PCDHA12: variants seen among roughly 807,000 people sequenced by gnomAD.
PCDHA12 encodes the protein protocadherin alpha-12.
In PCDHA12, 44 loss-of-function variants were observed where a neutral mutation model predicts 60.0. The ratio of observed to expected loss-of-function variants is 0.73; its 90% CI spans 0.58 to 0.94. The LOEUF (loss-of-function observed/expected upper bound fraction) is 0.94. PCDHA12 is among the 40% of genes least tolerant of loss of function. The probability of loss-of-function intolerance (pLI) is 0.00; values close to 1 mark genes in which losing one functional copy is unlikely to be tolerated. For missense variants in PCDHA12, 1,276 were observed against 1,239.7 expected, an observed-to-expected ratio of 1.03 and a Z score of -0.44; for synonymous variants, 569 against 553.0, an observed-to-expected ratio of 1.03 and a Z score of -0.40.
Position 140,920,646 on chromosome 5 carries a change from C to T in PCDHA12, c.2367+42807C>T, listed in dbSNP as rs1210828369. Among the ~76,000 whole-genome samples, 4 of 152,014 alleles carry T rather than the reference C, an allele frequency of 2.6e-5. No individual in the cohort carries two copies. In the South Asian group the frequency reaches 8.3e-4, roughly 32 times the overall value. On this transcript the variant is annotated intron_variant, in intron 1 of 3. Coordinates refer to ENST00000398631, the MANE Select transcript of PCDHA12 (RefSeq NM_018903.4). ...GGATCACAAGGTCAAGAGATTGAGA[C>T]CATCCTTGCCAACATGGTGAAACCC...
chr5:140,928,308 C>A, intron 1 of PCDHA12: 1 of 1,614,126 alleles, frequency 6.2e-7, no homozygotes, highest in Non-Finnish European at 8.5e-7. Flanking sequence ...CCCAGGACCC[C>A]GACCTGGGGA....
At chr5:140,947,627 A>C (rs1375142600) in intron 1 of PCDHA12, among the ~76,000 whole-genome samples, 1 of 151,696 alleles carries the variant, frequency 6.6e-6, no homozygotes, top group Non-Finnish European at 1.5e-5. Context: ...ATATTGAGTC[A>C]TCAGATCGTA....
chr5:140,928,955 T>A, intron 1 of PCDHA12: 1 of 1,614,024 alleles, frequency 6.2e-7, no homozygotes, highest in Middle Eastern at 1.6e-4. Context: ...GTAATTGCCT[T>A]GGCTTGTATT....
intron 1 of PCDHA12, among the ~76,000 whole-genome samples, chr5:140,958,215 T>G (rs1554223379): frequency 6.6e-6 from 1 of 152,132 alleles, no homozygotes; most frequent in Non-Finnish European, 1.5e-5. Context: ...GAATTAGATT[T>G]TAAAGGACTT....
At chr5:140,900,049 A>T (rs2067710838) in intron 1 of PCDHA12, among the ~76,000 whole-genome samples, 1 of 152,044 alleles carries the variant, frequency 6.6e-6, no homozygotes, top group Non-Finnish European at 1.5e-5. Flanking sequence ...GGCTCAAGTG[A>T]TCCTTTAACC....
intron 1 of PCDHA12, chr5:140,927,529 C>A: frequency 6.2e-7 from 1 of 1,614,098 alleles, no homozygotes; most frequent in South Asian, 1.1e-5. Flanking sequence ...GCTACCTGCC[C>A]GCTCAGGAGA....
chr5:140,927,226 A>G, intron 1 of PCDHA12: 4 of 1,613,996 alleles, frequency 2.5e-6, no homozygotes, highest in Non-Finnish European at 3.4e-6. Context: ...CAAGATTCGG[A>G]TTCACGTCCT....
At chr5:140,943,726 A>G (rs181662166) in intron 1 of PCDHA12, among the ~76,000 whole-genome samples, 8 of 152,372 alleles carry the variant, frequency 5.3e-5, no homozygotes, top group Middle Eastern at 3.4e-3. Flanking sequence ...GTCTGAGAGA[A>G]TGAAAGTCCA....
At chr5:140,984,859 A>G (rs1368341114) in intron 3 of PCDHA12, among the ~76,000 whole-genome samples, 1 of 152,046 alleles carries the variant, frequency 6.6e-6, no homozygotes, top group Non-Finnish European at 1.5e-5. Flanking sequence ...TAATAATAAC[A>G]CCTATTTTAT....
intron 1 of PCDHA12, among the ~76,000 whole-genome samples, chr5:140,951,121 C>A (rs1223231581): frequency 6.9e-6 from 1 of 145,374 alleles, no homozygotes; most frequent in African/African-American, 2.6e-5. Context: ...TCATTCCTTA[C>A]CAATAAGTTT....
At chr5:140,999,592 C>T (rs1443096475) in intron 3 of PCDHA12, among the ~76,000 whole-genome samples, 2 of 152,114 alleles carry the variant, frequency 1.3e-5, no homozygotes, top group Non-Finnish European at 2.9e-5. Flanking sequence ...ATTGCCTTCC[C>T]TACATCCTGG....
chr5:141,010,378 A>C lies in PCDHA12; in HGVS notation c.*441A>C. ...GCTACCGCGGGTATGCGAGTGCCAG[A>C]TATTGGCTGAGACGAGCCAGCTTAG... is the stretch of plus-strand genomic sequence containing the variant. On this transcript the variant is annotated 3_prime_UTR_variant, in exon 4 of 4. Coordinates refer to ENST00000398631, the MANE Select transcript of PCDHA12 (RefSeq NM_018903.4). 6.9e-7 allele frequency: 1 copy of C among 1,450,180 alleles called. No individual in the cohort carries two copies. Among genetic ancestry groups the C allele is most frequent in the Non-Finnish European group, 9.2e-7 (1 of 1,092,666 alleles). 89.8% of individuals were successfully genotyped at this position (1,450,180 alleles called of 1,614,324 possible).
intron 1 of PCDHA12, among the ~76,000 whole-genome samples, chr5:140,939,059 T>C (rs2092309221): frequency 6.6e-6 from 1 of 152,234 alleles, no homozygotes; most frequent in Non-Finnish European, 1.5e-5. Flanking sequence ...TTTGGGCTGC[T>C]ATATCAAAAT....
rs182160950 is a variant in PCDHA12, at chr5:140,875,771, C to A, written c.299C>A (p.Ala100Glu). ...CGCGAGAAGCTGTGCGGGCGGAGCG[C>A]GGAGTGCAGTATCCACCTGGAGGTG... ...IDREKLCGRS[A>E]ECSIHLEVIV... The change falls in exon 1 of 4, where the codon GCG becomes GAG. Residue 100 changes from alanine (A) to glutamate (E), a missense_variant. Transcript: ENST00000398631. 1.9e-6 allele frequency: 3 copies of A among 1,614,080 alleles called. No individual in the cohort carries two copies. Among genetic ancestry groups the A allele is most frequent in the Non-Finnish European group, 2.5e-6 (3 of 1,180,044 alleles).
intron 1 of PCDHA12, among the ~76,000 whole-genome samples, chr5:140,964,926 A>G (rs2095863338): frequency 6.6e-6 from 1 of 152,212 alleles, no homozygotes; most frequent in African/African-American, 2.4e-5. Flanking sequence ...CTGGCTAGGT[A>G]GTGGAGCATT....
rs1340141507 is a variant in PCDHA12, at chr5:140,939,833, CTTG to C, written c.2368-39108_2368-39106del. 2.6e-5 allele frequency among the ~76,000 whole-genome samples: 4 copies of C among 152,224 alleles called. No individual in the cohort carries two copies. The East Asian group carries it at 7.7e-4, about 29-fold the overall frequency. ...AAGAAAAAGCAGTATTCTGACATTG[CTTG>C]TTGTTGTGTTCTGTATATGTCCATT... On this transcript the variant is annotated intron_variant, in intron 1 of 3. Transcript: ENST00000398631.
chr5:140,977,074 T>C (rs1315038002), intron 1 of PCDHA12, among the ~76,000 whole-genome samples: 1 of 152,244 alleles, frequency 6.6e-6, no homozygotes, highest in Admixed American at 6.5e-5. Flanking sequence ...AATAGCAGCA[T>C]GACAAATTAA....
chr5:140,883,306 C>T (rs2059544095), intron 1 of PCDHA12: 2 of 1,614,050 alleles, frequency 1.2e-6, no homozygotes, highest in Non-Finnish European at 8.5e-7. Context: ...TAAATGATAA[C>T]GCCCCAGAGG....
intron 3 of PCDHA12, among the ~76,000 whole-genome samples, chr5:140,998,715 C>T (rs535565356): frequency 2.6e-5 from 4 of 152,236 alleles, no homozygotes; most frequent in African/African-American, 9.6e-5. Flanking sequence ...CAAGCTTGCA[C>T]CACCACGCTA....
Sources: allele counts gnomAD v4.1 joint callset (sites outside exome capture counted in the v4.1 genomes callset), GRCh38; gene constraint gnomAD v4.1.1; transcripts MANE v1.5; gene names NCBI Gene and HGNC (gene_info 2026-07-23, HGNC 2026-07-21).